The following ABCC10 variants were observed in gnomAD, a reference collection of about 807,000 sequenced individuals.
ABCC10 encodes the protein ATP binding cassette subfamily C member 10, also known as ATP-binding cassette sub-family C member 10.
A neutral mutation model predicts 143.2 loss-of-function variants in ABCC10; 110 were observed. The ratio of observed to expected loss-of-function variants is 0.77; its 90% CI spans 0.66 to 0.90. The LOEUF is 0.90. Ranked by LOEUF, ABCC10 falls within the 40% of genes least tolerant of loss-of-function variation. The pLI is 0.00. For missense variants in ABCC10, 1,700 were observed against 1,900.5 expected, an observed-to-expected ratio of 0.89 and a Z score of 1.96; for synonymous variants, 805 against 846.7, an observed-to-expected ratio of 0.95 and a Z score of 0.85.
rs1465358651 is a variant in ABCC10, at chr6:43,433,298, A to C, written c.1318A>C (p.Ile440Leu). 6.2e-7 allele frequency: 1 copy of C among 1,614,124 alleles called. No individual in the cohort carries two copies. The highest frequency in any genetic ancestry group is 2.2e-5 in the East Asian group (1 of 44,882). The change falls in exon 3 of 22, where the codon ATT (isoleucine) becomes CTT (leucine). Residue 440 changes from isoleucine (I) to leucine (L), a missense_variant. Ile to Leu is a conservative substitution (Grantham distance 5). Coordinates refer to ENST00000372530, the MANE Select transcript of ABCC10 (RefSeq NM_001198934.2). ...ALLLVPVNKV[I>L]ATRIMASNQE... ...GCTGCTGGTACCCGTCAACAAAGTGATTGCCACCCGCATCATGGCCAGCAA... is the reference window on the plus strand; with the variant it reads ...GCTGCTGGTACCCGTCAACAAAGTGCTTGCCACCCGCATCATGGCCAGCAA...
Position 43,435,932 on chromosome 6 carries a change from C to A in ABCC10, c.1765+25C>A, listed in dbSNP as rs200341759. On this transcript the variant is annotated intron_variant, in intron 5 of 21. Transcript: ENST00000372530. The stretch of plus-strand genomic sequence containing the variant: ...GGTAATGGGAAGCTAGTGGGCAGAA[C>A]CTGGCACAGGGTGAGGAGGGAAGTG... The A allele has an allele frequency of 3.7e-6, 6 of 1,613,394 alleles. No homozygotes were observed. The African/African-American group carries it at 4.0e-5, about 11-fold the overall frequency.
In ABCC10 at chr6:43,446,437, G is replaced by A. The variant is rs998696648; in HGVS notation, c.3535G>A (p.Ala1179Thr). 5 of 1,610,322 alleles carry A rather than the reference G, an allele frequency of 3.1e-6. No individual in the cohort carries two copies. The highest frequency in any genetic ancestry group is 1.7e-6 in the Non-Finnish European group (2 of 1,179,258). The part of the protein sequence containing the change: ...IALVQHQQGL[A>T]NPGLVGLSLS... ...TCTGGTGCAGCACCAGCAGGGCCTCGCTAACCCAGGTGCCACCCAGGACCC... is the reference window on the plus strand; with the variant it reads ...TCTGGTGCAGCACCAGCAGGGCCTCACTAACCCAGGTGCCACCCAGGACCC... Residue 1179 changes from alanine (A) to threonine (T), a missense_variant, in exon 16 of 22, where the codon GCT becomes ACT. Physicochemically the swap from Ala to Thr is moderately conservative, Grantham distance 58. Coordinates refer to ENST00000372530, the MANE Select transcript of ABCC10 (RefSeq NM_001198934.2).
chr6:43,438,097 G>C, intron 7 of ABCC10, 84 bp downstream of exon 7: 1 of 1,434,652 alleles, frequency 7.0e-7, no homozygotes, highest in Non-Finnish European at 9.6e-7. Flanking sequence ...CACCTTTTGG[G>C]GGTCAGGGGT....
chr6:43,442,083 G>T lies in ABCC10; in HGVS notation c.2226+123G>T, dbSNP rs1421498184. 8 of 781,426 alleles carry T rather than the reference G, an allele frequency of 1.0e-5. No individual in the cohort carries two copies. The African/African-American group carries it at 1.4e-4, about 13-fold the overall frequency. The allele number at this position is 781,426 out of a possible 1,614,324, so 48.4% of individuals were successfully genotyped here. ...CATCTGGTTCCTTCCCTCCTCCCTT[G>T]CATGTTCCTGAGGTATTGGCCATCT... On this transcript the variant is annotated intron_variant, in intron 9 of 21. Transcript: ENST00000372530.
Position 43,450,234 on chromosome 6 carries a change from A to C in ABCC10, c.*143A>C. Reference sequence around the variant, plus strand: ...AGAAGGGAAAAGGGCACCCTGGATTACTCTTTGGAAATCACTCCTTGGTGG... The same window carrying C: ...AGAAGGGAAAAGGGCACCCTGGATTCCTCTTTGGAAATCACTCCTTGGTGG... On this transcript the variant is annotated 3_prime_UTR_variant, in exon 22 of 22. Transcript: ENST00000372530. This position sits in a 1 kb window ranked among gnomAD's most constrained non-coding sequence, Gnocchi z 4.5. 1 of 1,070,780 alleles carries C rather than the reference A, an allele frequency of 9.3e-7. No individual in the cohort carries two copies. Among genetic ancestry groups the C allele is most frequent in the Non-Finnish European group, 1.3e-6 (1 of 759,828 alleles). The allele number at this position is 1,070,780 out of a possible 1,614,324, so 66.3% of individuals were successfully genotyped here.
chr6:43,431,970 A>G (rs1010650296), intron 2 of ABCC10, 172 bp from the exon 3 acceptor site: 2 of 1,427,342 alleles, frequency 1.4e-6, no homozygotes, highest in African/African-American at 2.9e-5. Flanking sequence ...TCATCTGGGA[A>G]GACTTCCTGG....
At chr6:43,450,990 A>C, downstream of ABCC10, 1 of 1,614,108 alleles carries the variant, frequency 6.2e-7, no homozygotes, top group Non-Finnish European at 8.5e-7. The surrounding 1 kb of genome is among the most constrained non-coding windows in gnomAD (Gnocchi z 4.5). Context: ...GAGGCAGTCG[A>C]AGTCGTGGAC....
chr6:43,443,868 G>T lies in ABCC10; in HGVS notation c.2417-65G>T. On this transcript the variant is annotated intron_variant, in intron 10 of 21. Transcript: ENST00000372530. This position sits in a 1 kb window ranked among gnomAD's most constrained non-coding sequence, Gnocchi z 4.2. ...AGGATGAGAGGTGGGATCTGCACAC[G>T]CACTGAGAAAGGCATAGTATAGACT... The T allele has an allele frequency of 1.4e-6, 2 of 1,476,388 alleles. No individual in the cohort carries two copies. The highest frequency in any genetic ancestry group is 9.5e-7 in the Non-Finnish European group (1 of 1,054,730). The allele number at this position is 1,476,388 out of a possible 1,614,324, so 91.5% of individuals were successfully genotyped here.
chr6:43,428,958 A>G (rs1160021436), intron 2 of ABCC10, among the ~76,000 whole-genome samples: 2 of 152,208 alleles, frequency 1.3e-5, no homozygotes, highest in Non-Finnish European at 2.9e-5. Context: ...TGTGTAAGAA[A>G]CAAATCAGGA....
Position 43,444,894 on chromosome 6 carries a change from G to A in ABCC10, c.2796G>A (p.Gly932=). The change falls in exon 13 of 22, where the codon GGG becomes GGA. Residue 932 remains glycine, a synonymous_variant. Transcript: ENST00000372530. ...AQPSTSPASM[G]LFSPQLLLFS... Reference sequence around the variant, plus strand: ...CCTCCACCAGCCCAGCTTCTATGGGGCTCTTCTCTCCGCAGCTGCTCCTCT... The same window carrying A: ...CCTCCACCAGCCCAGCTTCTATGGGACTCTTCTCTCCGCAGCTGCTCCTCT... The A allele has an allele frequency of 1.2e-6, 2 of 1,613,980 alleles. No homozygotes were observed. The highest frequency in any genetic ancestry group is 1.7e-6 in the Non-Finnish European group (2 of 1,179,918).
chr6:43,447,886 G>A lies in ABCC10; in HGVS notation c.3908G>A (p.Arg1303Gln), dbSNP rs375963017. The A allele has an allele frequency of 6.2e-6, 10 of 1,613,818 alleles. No homozygotes were observed. The East Asian group carries it at 1.1e-4, about 18-fold the overall frequency. The change falls in exon 18 of 22, where the codon CGA (arginine) becomes CAA (glutamine). Residue 1303 changes from arginine (R) to glutamine (Q), a missense_variant. Arg to Gln is a conservative substitution (Grantham distance 43, BLOSUM62 1). Transcript: ENST00000372530. ...CGGCTGCTAGAGCCCAGTTCAGGGC[G>A]AGTGCTGCTGGACGGCGTGGACACC... ...LFRLLEPSSG[R>Q]VLLDGVDTSQ...
chr6:43,427,809 C>A, intron 1 of ABCC10, 52 bp downstream of exon 1: 1 of 770,366 alleles, frequency 1.3e-6, no homozygotes, highest in South Asian at 1.6e-5. Context: ...CCCGTTTTTA[C>A]CCTTGGTACC....
chr6:43,438,540 G>C, intron 7 of ABCC10, 84 bp from the exon 8 acceptor site: 1 of 1,536,940 alleles, frequency 6.5e-7, no homozygotes, highest in Non-Finnish European at 8.7e-7. Flanking sequence ...CAGCAGCCTG[G>C]GGAGGCTTCT....
At chr6:43,434,419 G>T in intron 3 of ABCC10, 2 of 540,538 alleles carry the variant, frequency 3.7e-6, no homozygotes, top group East Asian at 3.0e-5. Context: ...GGGAGGGGAA[G>T]CAACCCAGGG....
chr6:43,432,988 G>A lies in ABCC10; in HGVS notation c.1008G>A (p.Leu336=). ...YALGLAGGAV[L]GAVLQNQYGY... ...TGGGGCTAGCCGGTGGGGCTGTGCT[G>A]GGTGCTGTGCTGCAGAATCAGTATG... is the stretch of plus-strand genomic sequence containing the variant. Residue 336 remains leucine (L), a synonymous_variant, in exon 3 of 22, where the codon CTG becomes CTA. Transcript: ENST00000372530. 6.2e-7 allele frequency: 1 copy of A among 1,614,164 alleles called. No homozygotes were observed.
intron 15 of ABCC10, 122 bp downstream of exon 15, chr6:43,446,064 G>GAGGAAAGCAACAGAAGA: frequency 8.0e-7 from 1 of 1,242,750 alleles, no homozygotes; most frequent in Middle Eastern, 2.4e-4. Context: ...GATGGGGAAG[G>GAGGAAAGCAACAGAAGA]AGGAAAGCAA....
chr6:43,445,834 C>T lies in ABCC10; in HGVS notation c.3266C>T (p.Ser1089Leu), dbSNP rs1783000881. The T allele has an allele frequency of 1.2e-6, 2 of 1,614,110 alleles. No homozygotes were observed. The highest frequency in any genetic ancestry group is 2.2e-5 in the East Asian group (1 of 44,868). ...GTGCAGCGCCACTACAGGGCCTCCTCACGGGAGCTGCGGCGCCTGGGCAGC... is the reference window on the plus strand; with the variant it reads ...GTGCAGCGCCACTACAGGGCCTCCTTACGGGAGCTGCGGCGCCTGGGCAGC... Reference protein sequence around the residue: ...YHVQRHYRASSRELRRLGSLT... With the variant: ...YHVQRHYRASLRELRRLGSLT... The change falls in exon 15 of 22, where the codon TCA (serine) becomes TTA (leucine). Residue 1089 changes from serine (S) to leucine (L), a missense_variant. Ser to Leu is a moderately radical substitution (Grantham distance 145, BLOSUM62 -2). Transcript: ENST00000372530.
downstream of ABCC10, chr6:43,450,469 G>A (rs1304374994): frequency 1.3e-6 from 2 of 1,491,838 alleles, no homozygotes; most frequent in Non-Finnish European, 1.8e-6. This position sits in a 1 kb window ranked among gnomAD's most constrained non-coding sequence, Gnocchi z 4.5. Context: ...CTGAAGGGTG[G>A]TGAGAACGGA....
At chr6:43,438,382 T>G (rs1781976166) in intron 7 of ABCC10, 1 of 1,421,796 alleles carries the variant, frequency 7.0e-7, no homozygotes, top group Non-Finnish European at 9.2e-7. Context: ...ACTGAGCTCC[T>G]GAACAGATGT....
Sources: gnomAD v4.1 joint callset for allele counts (sites outside exome capture counted in the v4.1 genomes callset) on GRCh38, gnomAD v4.1.1 for gene constraint, Gnocchi (gnomAD v3.1) non-coding constraint, MANE v1.5 for transcripts, NCBI Gene and HGNC (gene_info 2026-07-23, HGNC 2026-07-21) for gene names.